NUP58: variants seen among roughly 807,000 people sequenced by gnomAD.
NUP58 encodes the protein nucleoporin 58.
NUP58 carries 17 observed loss-of-function variants against 70.1 expected under a neutral mutation model. The ratio of observed to expected loss-of-function variants is 0.24; its 90% confidence interval spans 0.17 to 0.36. The LOEUF (loss-of-function observed/expected upper bound fraction) is 0.36, where lower values mean the gene tolerates loss of function less well. Among genes scored for constraint, NUP58 ranks in the 10% least tolerant of loss-of-function variants. The pLI is 1.00. For synonymous variants in NUP58, 275 were observed against 257.6 expected (o/e 1.07, Z -0.65); for missense variants, 644 against 701.5 (o/e 0.92, Z 0.93).
intron 3 of NUP58, among the ~76,000 whole-genome samples, chr13:25,311,386 T>G (rs1254388539): frequency 1.3e-5 from 2 of 152,182 alleles, no homozygotes; most frequent in African/African-American, 4.8e-5. Flanking sequence ...TTGTTTTTGT[T>G]TTTTATGAGA....
At chr13:25,332,630 C>T (rs2031649882) in intron 13 of NUP58, 3 of 985,286 alleles carry the variant, frequency 3.0e-6, no homozygotes, top group East Asian at 2.3e-4. Flanking sequence ...AAAAATTGTT[C>T]TTCACATTTG....
At chr13:25,314,679 G>A (rs1363159941) in intron 5 of NUP58, among the ~76,000 whole-genome samples, 1 of 152,068 alleles carries the variant, frequency 6.6e-6, no homozygotes, top group Non-Finnish European at 1.5e-5. Context: ...TGGGCAACAA[G>A]AGCGAAACTC....
At chr13:25,304,478 T>TTATATATATATATATA (rs67019897) in intron 1 of NUP58, among the ~76,000 whole-genome samples, 1 of 83,424 alleles carries the variant, frequency 1.2e-5, no homozygotes, top group Non-Finnish European at 2.1e-5. Flanking sequence ...GTTGTCAAGA[T>TTATATATATATATATA]TATATATATA....
chr13:25,314,033 A>T (rs569801506), intron 5 of NUP58, among the ~76,000 whole-genome samples: 1 of 151,942 alleles, frequency 6.6e-6, no homozygotes, highest in Non-Finnish European at 1.5e-5. Flanking sequence ...GGTTCAAGAG[A>T]GATTCTCCTG....
At chr13:25,310,180 C>A (rs1387488675) in intron 3 of NUP58, among the ~76,000 whole-genome samples, 1 of 145,234 alleles carries the variant, frequency 6.9e-6, no homozygotes, top group African/African-American at 2.6e-5. Context: ...GCTAGGACTA[C>A]AGGCACATAC....
At chr13:25,304,520 ATTT>A (rs71868545) in intron 1 of NUP58, among the ~76,000 whole-genome samples, 1 of 93,268 alleles carries the variant, frequency 1.1e-5, no homozygotes, top group Admixed American at 1.2e-4. Flanking sequence ...ATATATATGT[ATTT>A]TTTTTTTTTT....
In NUP58 at chr13:25,309,297, G is replaced by A; in HGVS notation, c.286+15G>A. The A allele has an allele frequency of 6.3e-7, 1 of 1,591,454 alleles. No individual in the cohort carries two copies. The highest frequency in any genetic ancestry group is 2.2e-5 in the East Asian group (1 of 44,652). Reference sequence around the variant, plus strand: ...ATTAACTCTGGGTAAGAATTTTTGAGGAAAGATCCCAGCTCTGTGGTCTTC... The same window carrying A: ...ATTAACTCTGGGTAAGAATTTTTGAAGAAAGATCCCAGCTCTGTGGTCTTC... On this transcript the variant is annotated intron_variant, in intron 3 of 15. Transcript: ENST00000381736.
chr13:25,301,922 AC>A, intron 1 of NUP58, 42 bp downstream of exon 1: 1 of 1,211,206 alleles, frequency 8.3e-7, no homozygotes. Context: ...ATTCACCCCC[AC>A]CCCCACCCCC....
downstream of NUP58, among the ~76,000 whole-genome samples, chr13:25,345,206 TGAG>T (rs1455269339): frequency 4.0e-5 from 6 of 151,244 alleles, no homozygotes; most frequent in African/African-American, 1.2e-4. Flanking sequence ...GCAACTTACT[TGAG>T]GTCGCATAGC....
chr13:25,309,493 A>G (rs1280463310), intron 3 of NUP58: 2 of 428,908 alleles, frequency 4.7e-6, no homozygotes, highest in East Asian at 3.8e-5. Context: ...TATAATTCAG[A>G]AAAGTATTTT....
At chr13:25,309,462 A>G in intron 3 of NUP58, 180 bp downstream of exon 3, 2 of 505,294 alleles carry the variant, frequency 4.0e-6, no homozygotes, top group Middle Eastern at 5.0e-4. Context: ...GAAAAAAAGG[A>G]ATGACTTCGT....
intron 9 of NUP58, among the ~76,000 whole-genome samples, chr13:25,324,749 A>G (rs759616323): frequency 2.8e-4 from 43 of 152,220 alleles, no homozygotes; most frequent in Non-Finnish European, 5.0e-4. Flanking sequence ...ACAGAAATCT[A>G]TAGTTTTAAA....
At chr13:25,302,565 C>T (rs1224852679) in intron 1 of NUP58, among the ~76,000 whole-genome samples, 2 of 152,110 alleles carry the variant, frequency 1.3e-5, no homozygotes, top group Non-Finnish European at 2.9e-5. Flanking sequence ...CCCATTAGTT[C>T]AGGTGGCGAC....
intron 1 of NUP58, among the ~76,000 whole-genome samples, chr13:25,302,197 C>G (rs1006178512): frequency 6.6e-6 from 1 of 152,188 alleles, no homozygotes; most frequent in African/African-American, 2.4e-5. Flanking sequence ...GGAGCTTTAG[C>G]GATGTGTCAG....
intron 13 of NUP58, chr13:25,333,333 C>G: frequency 2.0e-6 from 2 of 985,316 alleles, no homozygotes; most frequent in Non-Finnish European, 2.4e-6. Context: ...ACAATGTTAG[C>G]TTAATCTGGA....
At chr13:25,329,917 G>A (rs1215611218) in intron 12 of NUP58, among the ~76,000 whole-genome samples, 2 of 152,022 alleles carry the variant, frequency 1.3e-5, no homozygotes, top group Non-Finnish European at 2.9e-5. Context: ...CAATCTCCTG[G>A]GCCCAAGCGA....
chr13:25,313,388 A>G (rs1439558773), intron 4 of NUP58, among the ~76,000 whole-genome samples: 1 of 152,172 alleles, frequency 6.6e-6, no homozygotes, highest in East Asian at 1.9e-4. Flanking sequence ...AGAATCAGTT[A>G]CCTGGTACCA....
chr13:25,311,882 G>A (rs1458529377), intron 3 of NUP58, among the ~76,000 whole-genome samples: 2 of 152,126 alleles, frequency 1.3e-5, no homozygotes, highest in Non-Finnish European at 1.5e-5. Flanking sequence ...ACAGGAGAAG[G>A]AAAGGATGTC....
intron 10 of NUP58, among the ~76,000 whole-genome samples, chr13:25,326,399 TTACA>T (rs1343857764): frequency 3.9e-5 from 6 of 152,092 alleles, no homozygotes; most frequent in African/African-American, 1.4e-4. Context: ...GTAGCAATAA[TTACA>T]TGTGCTTTCT....
Sources: gnomAD v4.1 joint callset for allele counts (sites outside exome capture counted in the v4.1 genomes callset) on GRCh38, gnomAD v4.1.1 for gene constraint, MANE v1.5 for transcripts, NCBI Gene and HGNC (gene_info 2026-07-23, HGNC 2026-07-21) for gene names.